The following OPCML variants were observed in gnomAD, a reference collection of about 807,000 sequenced individuals.
OPCML encodes the protein opioid binding protein/cell adhesion molecule like.
In OPCML, 13 loss-of-function variants were observed where a neutral mutation model predicts 37.8. That is an observed-to-expected ratio of 0.34 (90% CI 0.22 to 0.55). OPCML has a LOEUF of 0.55. OPCML is among the 20% of genes least tolerant of loss of function. OPCML has a pLI of 0.91. For synonymous variants in OPCML, 176 were observed against 168.8 expected (o/e 1.04, Z -0.33); for missense variants, 341 against 435.6 (o/e 0.78, Z 1.93).
At chr11:132,532,092 A>G (rs2137309413) in intron 3 of OPCML, among the ~76,000 whole-genome samples, 1 of 152,292 alleles carries the variant, frequency 6.6e-6, no homozygotes, top group East Asian at 1.9e-4. Context: ...CGATAGTGTG[A>G]AGGATGCTGG....
intron 1 of OPCML, among the ~76,000 whole-genome samples, chr11:133,064,034 T>G (rs1293737638): frequency 1.3e-5 from 2 of 152,244 alleles, no homozygotes; most frequent in Admixed American, 6.5e-5. Context: ...CTTTCTTTCT[T>G]TCTTTAACCA....
chr11:133,053,129 G>A (rs898311574), intron 1 of OPCML, among the ~76,000 whole-genome samples: 23 of 152,164 alleles, frequency 1.5e-4, no homozygotes, highest in African/African-American at 5.3e-4. Context: ...TGGACTCCCA[G>A]TTCATCATTC....
At chr11:132,655,817 C>A (rs1229833048) in intron 3 of OPCML, among the ~76,000 whole-genome samples, 1 of 151,358 alleles carries the variant, frequency 6.6e-6, no homozygotes, top group Non-Finnish European at 1.5e-5. Flanking sequence ...AGCCCCCACG[C>A]AACCTCTCTC....
intron 1 of OPCML, among the ~76,000 whole-genome samples, chr11:133,204,907 T>TATATATAC (rs1555114261): frequency 3.7e-5 from 5 of 133,504 alleles, no homozygotes; most frequent in South Asian, 2.4e-4. Context: ...TATATATATA[T>TATATATAC]ATACATACAC....
At chr11:132,747,540 T>C (rs1945673364) in intron 2 of OPCML, among the ~76,000 whole-genome samples, 1 of 152,172 alleles carries the variant, frequency 6.6e-6, no homozygotes, top group Non-Finnish European at 1.5e-5. Context: ...TCACTTCCAG[T>C]ACCAGCCAAC....
At chr11:132,789,543 G>A (rs1937755886) in intron 2 of OPCML, among the ~76,000 whole-genome samples, 1 of 152,174 alleles carries the variant, frequency 6.6e-6, no homozygotes, top group Non-Finnish European at 1.5e-5. Flanking sequence ...AGGGGGCCTA[G>A]GAAAGGGGAC....
chr11:132,658,617 G>T (rs1941817375), intron 2 of OPCML, among the ~76,000 whole-genome samples: 1 of 152,246 alleles, frequency 6.6e-6, no homozygotes, highest in Non-Finnish European at 1.5e-5. Context: ...CTTTTTATGA[G>T]CTGGCCCATC....
intron 1 of OPCML, among the ~76,000 whole-genome samples, chr11:133,309,245 T>A (rs542420016): frequency 6.6e-6 from 1 of 152,322 alleles, no homozygotes; most frequent in South Asian, 2.1e-4. Context: ...GGATCAGGGA[T>A]AACATCACCA....
chr11:132,449,722 G>A (rs150072801), intron 4 of OPCML, among the ~76,000 whole-genome samples: 2,092 of 152,220 alleles, frequency 0.014, 23 homozygotes, highest in Non-Finnish European at 0.021. Context: ...CCAAGGTTTC[G>A]GCCTTTGCTC....
chr11:132,940,066 C>G (rs1945526950), intron 2 of OPCML, among the ~76,000 whole-genome samples: 1 of 152,200 alleles, frequency 6.6e-6, no homozygotes, highest in Admixed American at 6.5e-5. Context: ...GCCTCACTTA[C>G]AGAAAACGAG....
intron 1 of OPCML, among the ~76,000 whole-genome samples, chr11:133,049,114 C>G (rs988602517): frequency 6.6e-6 from 1 of 152,224 alleles, no homozygotes; most frequent in Admixed American, 6.5e-5. Flanking sequence ...GTGGGGTTTA[C>G]AATCTAGCTG....
At chr11:133,493,307 G>T (rs1391277828) in intron 1 of OPCML, among the ~76,000 whole-genome samples, 6 of 152,224 alleles carry the variant, frequency 3.9e-5, no homozygotes, top group Non-Finnish European at 8.8e-5. Flanking sequence ...GATCCATGAA[G>T]GGCTCTTGCT....
At chr11:132,905,700 C>T (rs1363203287) in intron 2 of OPCML, among the ~76,000 whole-genome samples, 3 of 151,004 alleles carry the variant, frequency 2.0e-5, no homozygotes, top group African/African-American at 4.9e-5. Flanking sequence ...AATCTAGTCA[C>T]ATAAAAAAAA....
chr11:133,465,363 A>G (rs1946951682), intron 1 of OPCML, among the ~76,000 whole-genome samples: 1 of 152,058 alleles, frequency 6.6e-6, no homozygotes, highest in South Asian at 2.1e-4. Flanking sequence ...TACATTAGCA[A>G]TGTTCCTTTT....
chr11:133,036,298 T>G (rs551870699), intron 1 of OPCML, among the ~76,000 whole-genome samples: 14 of 152,286 alleles, frequency 9.2e-5, no homozygotes, highest in African/African-American at 3.1e-4. Context: ...TTTGTAAAAA[T>G]AAATATGGAA....
chr11:133,462,182 G>A (rs1351255681), intron 1 of OPCML, among the ~76,000 whole-genome samples: 2 of 151,810 alleles, frequency 1.3e-5, no homozygotes, highest in African/African-American at 4.8e-5. Flanking sequence ...TTATTAAAAG[G>A]TAATCAACTC....
Position 132,441,158 on chromosome 11 carries a change from C to CTTTTTTTTTTTTTTTTTTT in OPCML, c.506-3800_506-3799insAAAAAAAAAAAAAAAAAAA, listed in dbSNP as rs749099654. ...ATTCTGAAGATGTGTTCACCAAGGACTTTTTTGTTTTTTTTTTTTTTTTTT... is the reference window on the plus strand; with the variant it reads ...ATTCTGAAGATGTGTTCACCAAGGACTTTTTTTTTTTTTTTTTTTTTTTTTGTTTTTTTTTTTTTTTTTT... On this transcript the variant is annotated intron_variant, in intron 4 of 7. Coordinates refer to ENST00000524381, the MANE Select transcript of OPCML (RefSeq NM_001012393.5). 9.9e-4 allele frequency among the ~76,000 whole-genome samples: 107 copies of CTTTTTTTTTTTTTTTTTTT among 108,042 alleles called. 13 individuals are homozygous for CTTTTTTTTTTTTTTTTTTT. The highest frequency in any genetic ancestry group is 3.0e-3 in the African/African-American group (69 of 22,756). The allele number at this position is 108,042 out of a possible 152,430, so 70.9% of individuals were successfully genotyped here.
chr11:132,497,889 T>A (rs2096236441), intron 4 of OPCML, among the ~76,000 whole-genome samples: 1 of 152,180 alleles, frequency 6.6e-6, no homozygotes, highest in African/African-American at 2.4e-5. Flanking sequence ...TTTTTTAAAT[T>A]TTTTTAAAAA....
intron 2 of OPCML, among the ~76,000 whole-genome samples, chr11:132,701,821 T>C (rs1276255850): frequency 2.6e-5 from 1 of 38,544 alleles, no homozygotes; most frequent in Non-Finnish European, 5.9e-5. Flanking sequence ...GTGCTTTCCT[T>C]TTTTTTTTAT....
Sources: allele counts gnomAD v4.1 joint callset (sites outside exome capture counted in the v4.1 genomes callset), GRCh38; gene constraint gnomAD v4.1.1; transcripts MANE v1.5; gene names NCBI Gene and HGNC (gene_info 2026-07-23, HGNC 2026-07-21).